The following PDE10A variants were observed in gnomAD, a reference collection of about 807,000 sequenced individuals.
PDE10A encodes cAMP and cAMP-inhibited cGMP 3',5'-cyclic phosphodiesterase 10A.
PDE10A carries 39 observed loss-of-function variants against 97.7 expected under a neutral mutation model. The ratio of observed to expected loss-of-function variants is 0.40; its 90% CI spans 0.31 to 0.52. PDE10A has a LOEUF of 0.52. PDE10A is among the 20% of genes least tolerant of loss of function. PDE10A has a pLI of 0.56. For synonymous variants in PDE10A, 371 were observed against 376.8 expected (o/e 0.98, Z 0.18); for missense variants, 731 against 1,047.8 (o/e 0.70, Z 4.17).
At chr6:165,917,717 G>C (rs1026389774) in intron 1 of PDE10A, among the ~76,000 whole-genome samples, 3 of 152,228 alleles carry the variant, frequency 2.0e-5, no homozygotes, top group African/African-American at 7.2e-5. Flanking sequence ...GATGAGTCCG[G>C]ACCCGGGGAG....
At chr6:165,653,134 T>C (rs1347536235) in intron 1 of PDE10A, among the ~76,000 whole-genome samples, 2 of 152,252 alleles carry the variant, frequency 1.3e-5, no homozygotes. Context: ...TATTTCATTA[T>C]TTCTTTCCCT....
At chr6:165,464,007 T>C (rs1425323494) in intron 3 of PDE10A, among the ~76,000 whole-genome samples, 4 of 152,238 alleles carry the variant, frequency 2.6e-5, no homozygotes, top group East Asian at 1.9e-4. Flanking sequence ...ACAATGCTAA[T>C]GACTGGCTTG....
chr6:165,883,760 C>A (rs1049803281), intron 1 of PDE10A, among the ~76,000 whole-genome samples: 1 of 151,968 alleles, frequency 6.6e-6, no homozygotes, highest in African/African-American at 2.4e-5. Context: ...GGTGTGTGAT[C>A]CCAGCAATCC....
At chr6:165,730,384 C>T (rs553839590) in intron 1 of PDE10A, among the ~76,000 whole-genome samples, 91 of 152,182 alleles carry the variant, frequency 6.0e-4, no homozygotes, top group Non-Finnish European at 1.1e-3. Flanking sequence ...AATCACGTCC[C>T]CCATCCCAGA....
chr6:165,566,294 GACAT>G (rs1482762620), intron 1 of PDE10A, among the ~76,000 whole-genome samples: 1 of 152,044 alleles, frequency 6.6e-6, no homozygotes, highest in Non-Finnish European at 1.5e-5. Flanking sequence ...CATCAAAAAA[GACAT>G]ACAGATGAGC....
At chr6:165,341,032 AT>A (rs1258250658) in intron 19 of PDE10A, among the ~76,000 whole-genome samples, 1 of 152,250 alleles carries the variant, frequency 6.6e-6, no homozygotes, top group Admixed American at 6.5e-5. Context: ...TTTTGCACAA[AT>A]TCTAAAAGGT....
At chr6:165,428,940 A>T (rs1202301619) in intron 9 of PDE10A, among the ~76,000 whole-genome samples, 1 of 152,092 alleles carries the variant, frequency 6.6e-6, no homozygotes, top group East Asian at 1.9e-4. Context: ...AATTCCAGAG[A>T]ATGCAATCAG....
At chr6:165,679,888 T>G (rs1027553566) in intron 1 of PDE10A, among the ~76,000 whole-genome samples, 2 of 152,052 alleles carry the variant, frequency 1.3e-5, no homozygotes, top group Non-Finnish European at 2.9e-5. Flanking sequence ...CTGGCTACTG[T>G]GGGGTGTCTG....
At chr6:165,732,459 G>A (rs73030223) in intron 1 of PDE10A, among the ~76,000 whole-genome samples, 7,193 of 152,236 alleles carry the variant, frequency 0.047, 278 homozygotes, top group South Asian at 0.18. Flanking sequence ...CACCCAAGCC[G>A]TCCAAGAGTT....
chr6:165,870,553 C>T (rs1411779498), intron 1 of PDE10A, among the ~76,000 whole-genome samples: 1 of 152,064 alleles, frequency 6.6e-6, no homozygotes, highest in East Asian at 1.9e-4. Flanking sequence ...GAAAGTTCCA[C>T]AAAAGACTAA....
chr6:165,683,549 G>A (rs996463865), intron 1 of PDE10A, among the ~76,000 whole-genome samples: 1 of 152,192 alleles, frequency 6.6e-6, no homozygotes, highest in Non-Finnish European at 1.5e-5. Flanking sequence ...TGAGATCTTG[G>A]TGAGGTCATT....
At chr6:165,653,944 G>A (rs1033254788) in intron 1 of PDE10A, among the ~76,000 whole-genome samples, 14 of 152,016 alleles carry the variant, frequency 9.2e-5, no homozygotes, top group Non-Finnish European at 1.6e-4. Context: ...TTCTGGCTGC[G>A]CATCTTGAGC....
intron 1 of PDE10A, among the ~76,000 whole-genome samples, chr6:165,877,627 A>AAT (rs1209729513): frequency 6.6e-6 from 1 of 152,226 alleles, no homozygotes; most frequent in African/African-American, 2.4e-5. Context: ...TGAGCTCATT[A>AAT]ATATGCATTA....
chr6:165,436,979 T>C (rs544584411), intron 5 of PDE10A, among the ~76,000 whole-genome samples: 11 of 152,042 alleles, frequency 7.2e-5, no homozygotes, highest in South Asian at 2.1e-4. Context: ...TGAAGAAAAA[T>C]TGGAATTGAC....
At chr6:165,911,199 C>A (rs1045330768) in intron 1 of PDE10A, among the ~76,000 whole-genome samples, 1 of 152,088 alleles carries the variant, frequency 6.6e-6, no homozygotes, top group African/African-American at 2.4e-5. Flanking sequence ...ACTTAAAAAC[C>A]CAAAACATCA....
chr6:165,517,512 A>G (rs1781881099), intron 2 of PDE10A, among the ~76,000 whole-genome samples: 1 of 152,212 alleles, frequency 6.6e-6, no homozygotes, highest in Non-Finnish European at 1.5e-5. Flanking sequence ...AAATAATCCA[A>G]ATAGGCTTTA....
intron 18 of PDE10A, among the ~76,000 whole-genome samples, chr6:165,363,124 T>G (rs1048853655): frequency 1.3e-5 from 2 of 152,194 alleles, no homozygotes; most frequent in Non-Finnish European, 2.9e-5. Flanking sequence ...CACTTAATGG[T>G]GAAAGACTAG....
At chr6:165,908,167 G>A (rs551262213) in intron 1 of PDE10A, among the ~76,000 whole-genome samples, 3 of 152,302 alleles carry the variant, frequency 2.0e-5, no homozygotes, top group South Asian at 4.1e-4. Context: ...AAATTATTAC[G>A]AGGAAGCAAG....
intron 1 of PDE10A, among the ~76,000 whole-genome samples, chr6:165,896,355 A>ATTTT: frequency 6.9e-6 from 1 of 144,048 alleles, no homozygotes; most frequent in Non-Finnish European, 1.5e-5. Context: ...ATATTTAGTA[A>ATTTT]TTTTTTTTTT....
Sources: gnomAD v4.1 joint callset for allele counts (sites outside exome capture counted in the v4.1 genomes callset) on GRCh38, gnomAD v4.1.1 for gene constraint, MANE v1.5 for transcripts, NCBI Gene and HGNC (gene_info 2026-07-23, HGNC 2026-07-21) for gene names.